The following PLEKHA6 variants were observed in gnomAD, a reference collection of about 807,000 sequenced individuals.
PLEKHA6 encodes pleckstrin homology domain containing A6, also known as pleckstrin homology domain-containing family A member 6.
In PLEKHA6, 60 loss-of-function variants were observed where a neutral mutation model predicts 116.7. That is an observed-to-expected ratio of 0.51 (90% CI 0.42 to 0.64). PLEKHA6 has a LOEUF of 0.64. Ranked by LOEUF, PLEKHA6 falls within the 30% of genes least tolerant of loss-of-function variation. The probability of loss-of-function intolerance (pLI) is 0.00; values close to 1 mark genes in which losing one functional copy is unlikely to be tolerated. For synonymous variants in PLEKHA6, 489 were observed against 556.1 expected (o/e 0.88, Z 1.70); for missense variants, 1,338 against 1,422.7 (o/e 0.94, Z 0.96).
rs376758180 is a variant in PLEKHA6 at position 204,268,289 on chromosome 1, G to A, written c.126C>T (p.Ala42=). The A allele has an allele frequency of 1.1e-5, 17 of 1,609,642 alleles. No individual in the cohort carries two copies. Among genetic ancestry groups the A allele is most frequent in the Admixed American group, 5.1e-5 (3 of 59,222 alleles). ...SVRATRTARK[A]VAFGKRSHSM... ...AGTGTGAGCGCTTGCCAAAGGCGAC[G>A]GCTTTGCGGGCTGTGCGAGTTGCCT... is the stretch of plus-strand genomic sequence containing the variant. Residue 42 remains alanine, a synonymous_variant, in exon 4 of 23, where the codon GCC becomes GCT. Coordinates refer to ENST00000272203, the MANE Select transcript of PLEKHA6 (RefSeq NM_014935.5).
intron 2 of PLEKHA6, chr1:204,367,936 C>CT (rs1673692712): frequency 6.6e-6 from 1 of 152,268 alleles, no homozygotes; most frequent in Admixed American, 6.5e-5. Context: ...CCCACCTGCA[C>CT]TTAGGAGGGA....
chr1:204,228,877 G>A lies in PLEKHA6; in HGVS notation c.2752-16C>T. The stretch of plus-strand genomic sequence containing the variant: ...GAGTGGAGAGCTATGGAGGGGCTGG[G>A]GTCACCACCTCTGTCCCTTCCCAGA... On this transcript the variant is annotated splice_polypyrimidine_tract_variant and intron_variant, in intron 19 of 22. Transcript: ENST00000272203. This position sits in a 1 kb window ranked among gnomAD's most constrained non-coding sequence, Gnocchi z 4.0. The A allele has an allele frequency of 6.2e-7, 1 of 1,613,956 alleles. No individual in the cohort carries two copies. The highest frequency in any genetic ancestry group is 8.5e-7 in the Non-Finnish European group (1 of 1,179,926).
chr1:204,245,815 C>T (rs1663578060), intron 13 of PLEKHA6, 89 bp from the exon 14 acceptor site: 3 of 867,972 alleles, frequency 3.5e-6, no homozygotes, highest in Non-Finnish European at 5.7e-6. Context: ...AACCCACATC[C>T]CTTTGGGCCA....
At chr1:204,326,336 C>G (rs1177785033) in intron 1 of PLEKHA6, among the ~76,000 whole-genome samples, 1 of 152,216 alleles carries the variant, frequency 6.6e-6, no homozygotes, top group African/African-American at 2.4e-5. Context: ...CACGTCTTAG[C>G]TCATCAAATG....
intron 2 of PLEKHA6, among the ~76,000 whole-genome samples, chr1:204,274,169 T>G (rs557455479): frequency 5.9e-5 from 9 of 152,016 alleles, no homozygotes; most frequent in Non-Finnish European, 1.2e-4. Context: ...TGGACCCAAG[T>G]GATCCTCCCA....
intron 1 of PLEKHA6, among the ~76,000 whole-genome samples, chr1:204,357,709 TTG>T (rs759904673): frequency 7.9e-5 from 12 of 152,188 alleles, no homozygotes; most frequent in Non-Finnish European, 1.5e-4. Flanking sequence ...GATGAGGAAA[TTG>T]GCTCGGAGAA....
At chr1:204,326,015 C>T in intron 1 of PLEKHA6, 3 of 437,572 alleles carry the variant, frequency 6.9e-6, no homozygotes, top group Non-Finnish European at 9.1e-6. Flanking sequence ...CCAGCCGTCT[C>T]CCTAATGCAT....
intron 21 of PLEKHA6, among the ~76,000 whole-genome samples, chr1:204,227,097 T>C (rs1218072054): frequency 6.6e-6 from 1 of 152,194 alleles, no homozygotes; most frequent in Admixed American, 6.5e-5. Context: ...ATCACCAACA[T>C]GAAACGCCAT....
Position 204,259,275 on chromosome 1 carries a change from C to CA in PLEKHA6, c.989_990insT (p.Pro331AlafsTer2), listed in dbSNP as rs770196866. On this transcript the variant is annotated frameshift_variant, in exon 8 of 23. Transcript: ENST00000272203. LOFTEE classifies it high-confidence loss of function. This position sits in a 1 kb window ranked among gnomAD's most constrained non-coding sequence, Gnocchi z 4.6. ...TGCCTCACCTCCGAAGGTCTTCAGGCGGGGGTACCCCCCGGCGCAGATTCA... is the reference window on the plus strand; with the variant it reads ...TGCCTCACCTCCGAAGGTCTTCAGGCAGGGGGTACCCCCCGGCGCAGATTCA... 1.9e-6 allele frequency: 3 copies of CA among 1,613,630 alleles called. No homozygotes were observed. In the African/African-American group the frequency reaches 4.0e-5, roughly 22 times the overall value.
At chr1:204,227,403 C>A (rs560391647) in intron 21 of PLEKHA6, among the ~76,000 whole-genome samples, 159 of 152,336 alleles carry the variant, frequency 1.0e-3, no homozygotes, top group African/African-American at 3.7e-3. Context: ...GAATCTCTTT[C>A]ATTCTTAAAA....
intron 1 of PLEKHA6, among the ~76,000 whole-genome samples, chr1:204,377,079 A>G (rs1175102762): frequency 6.6e-6 from 1 of 152,156 alleles, no homozygotes; most frequent in Non-Finnish European, 1.5e-5. Flanking sequence ...CCCCATAAAG[A>G]AGCAGGACAG....
rs974101801 is a variant in PLEKHA6, at chr1:204,255,590, C to T, written c.1524+1763G>A. The T allele has an allele frequency of 4.6e-5, 32 of 701,472 alleles. No homozygotes were observed. In the African/African-American group the frequency reaches 5.3e-4, roughly 12 times the overall value. The allele number at this position is 701,472 out of a possible 1,614,324, so 43.5% of individuals were successfully genotyped here. A position where few individuals can be genotyped will look rare whatever the true frequency, so the allele number is the denominator to read the frequency against. Reference sequence around the variant, plus strand: ...GGAGTGGAGAGATGCGACAGGAAGGCAGTGGGATGATAAGGGGGGCACCAG... The same window carrying T: ...GGAGTGGAGAGATGCGACAGGAAGGTAGTGGGATGATAAGGGGGGCACCAG... On this transcript the variant is annotated intron_variant, in intron 9 of 22. Coordinates refer to ENST00000272203, the MANE Select transcript of PLEKHA6 (RefSeq NM_014935.5).
At position 204,259,709 on chromosome 1, in the gene PLEKHA6, G is replaced by A. The variant is rs200160776; in HGVS notation, c.556C>T (p.Pro186Ser). ...HEKPDSENVP[P>S]SKHHQQPPHN... ...GGTGGCTGCTGGTGGTGCTTGCTGG[G>A]TGGGACGTTCTCCGAGTCTGGCTTC... is the stretch of plus-strand genomic sequence containing the variant. The change falls in exon 8 of 23, where the codon CCC becomes TCC. Residue 186 changes from proline (P) to serine (S), a missense_variant. By Grantham distance (74) the Pro-to-Ser change is moderately conservative. This residue lies in a region of PLEKHA6 where 140 missense variants were observed against 197.4 expected (regional missense o/e 0.71). Transcript: ENST00000272203. This position sits in a 1 kb window ranked among gnomAD's most constrained non-coding sequence, Gnocchi z 4.6. 10 of 1,612,870 alleles carry A rather than the reference G, an allele frequency of 6.2e-6. No individual in the cohort carries two copies. Among genetic ancestry groups the A allele is most frequent in the Non-Finnish European group, 7.6e-6 (9 of 1,179,338 alleles).
At chr1:204,354,628 CAGA>C (rs937967104) in intron 1 of PLEKHA6, among the ~76,000 whole-genome samples, 1 of 152,300 alleles carries the variant, frequency 6.6e-6, no homozygotes, top group East Asian at 1.9e-4. Flanking sequence ...AGTGAAAGCT[CAGA>C]AGGATTAAGT....
chr1:204,279,072 CT>C (rs1417536487), intron 1 of PLEKHA6, among the ~76,000 whole-genome samples: 5 of 152,124 alleles, frequency 3.3e-5, no homozygotes, highest in African/African-American at 1.2e-4. Context: ...TTTGATCCAC[CT>C]TCAGTAGGAC....
At chr1:204,231,605 T>C (rs1170409209) in intron 17 of PLEKHA6, among the ~76,000 whole-genome samples, 1 of 150,496 alleles carries the variant, frequency 6.6e-6, no homozygotes, top group African/African-American at 2.5e-5. Context: ...TCTTGCTCTG[T>C]CACTCCAGCT....
chr1:204,257,295 G>A lies in PLEKHA6; in HGVS notation c.1524+58C>T. The A allele has an allele frequency of 1.3e-6, 2 of 1,483,542 alleles. No individual in the cohort carries two copies. Among genetic ancestry groups the A allele is most frequent in the Non-Finnish European group, 1.8e-6 (2 of 1,087,216 alleles). 91.9% of individuals were successfully genotyped at this position (1,483,542 alleles called of 1,614,324 possible). On this transcript the variant is annotated intron_variant, in intron 9 of 22. Coordinates refer to ENST00000272203, the MANE Select transcript of PLEKHA6 (RefSeq NM_014935.5). This position sits in a 1 kb window ranked among gnomAD's most constrained non-coding sequence, Gnocchi z 6.5. ...CATCTCTGCCTTTTCTCAGTAGATG[G>A]TCTTAGGCTTCTGGGGACCTCAGGG... is the stretch of plus-strand genomic sequence containing the variant.
chr1:204,302,414 G>T (rs536587078), intron 1 of PLEKHA6, among the ~76,000 whole-genome samples: 1 of 152,318 alleles, frequency 6.6e-6, no homozygotes, highest in East Asian at 1.9e-4. Context: ...CATGATTAAC[G>T]CCTTCTTCCT....
intron 4 of PLEKHA6, 57 bp downstream of exon 4, chr1:204,268,150 CT>C: frequency 8.9e-7 from 1 of 1,124,344 alleles, no homozygotes. Flanking sequence ...CAGAGGAATC[CT>C]TATTCTGTGA....
Sources: allele counts gnomAD v4.1 joint callset (sites outside exome capture counted in the v4.1 genomes callset), GRCh38; gene constraint gnomAD v4.1.1; regional missense constraint gnomAD v4.1.1; non-coding constraint Gnocchi (gnomAD v3.1); transcripts MANE v1.5; gene names NCBI Gene and HGNC (gene_info 2026-07-23, HGNC 2026-07-21).